The following SF3B1 variants were observed in gnomAD, a reference collection of about 807,000 sequenced individuals.
The protein encoded by SF3B1 is splicing factor 3b subunit 1.
SF3B1 carries 12 observed loss-of-function variants against 153.8 expected under a neutral mutation model. The ratio of observed to expected loss-of-function variants is 0.08; its 90% confidence interval spans 0.05 to 0.13. The LOEUF (loss-of-function observed/expected upper bound fraction) is 0.13, where lower values mean the gene tolerates loss of function less well. SF3B1 is among the 10% of genes least tolerant of loss of function. The pLI, the probability that SF3B1 is intolerant of heterozygous loss-of-function variation, is 1.00. For synonymous variants in SF3B1, 498 were observed against 525.2 expected (o/e 0.95, Z 0.71); for missense variants, 513 against 1,606.1 (o/e 0.32, Z 11.63).
chr2:197,425,704 G>A (rs749829469), intron 1 of SF3B1, among the ~76,000 whole-genome samples: 4 of 151,950 alleles, frequency 2.6e-5, no homozygotes, highest in African/African-American at 7.3e-5. Flanking sequence ...ACAGGAGCAC[G>A]TCTCACAAAC....
rs1050675327 is a variant in SF3B1 at position 197,390,472 on chromosome 2, A to G, written c.*1831T>C. ...GGAAGTACCGCTGAAAACTTCTAACAACAGAAAGATGAGTTTGGAGTGTTT... is the reference window on the plus strand; with the variant it reads ...GGAAGTACCGCTGAAAACTTCTAACGACAGAAAGATGAGTTTGGAGTGTTT... On this transcript the variant is annotated 3_prime_UTR_variant, in exon 25 of 25. Coordinates refer to ENST00000335508, the MANE Select transcript of SF3B1 (RefSeq NM_012433.4). 2 of 152,206 alleles carry G rather than the reference A, an allele frequency of 1.3e-5. No homozygotes were observed. Among genetic ancestry groups the G allele is most frequent in the Non-Finnish European group, 2.9e-5 (2 of 68,022 alleles). The allele number at this position is 152,206 out of a possible 1,614,324, so 9.4% of individuals were successfully genotyped here.
intron 1 of SF3B1, among the ~76,000 whole-genome samples, chr2:197,432,865 CA>C (rs559744132): frequency 6.8e-6 from 1 of 147,656 alleles, no homozygotes. Context: ...GACCCTATCT[CA>C]AAAAAAAATA....
intron 23 of SF3B1, among the ~76,000 whole-genome samples, chr2:197,394,761 C>T (rs888149290): frequency 3.3e-5 from 5 of 152,004 alleles, no homozygotes; most frequent in African/African-American, 9.7e-5. Flanking sequence ...AAAAATTAGC[C>T]GGCCATGGTG....
intron 5 of SF3B1, among the ~76,000 whole-genome samples, chr2:197,417,353 T>A (rs1391412780): frequency 6.6e-6 from 1 of 152,104 alleles, no homozygotes; most frequent in Non-Finnish European, 1.5e-5. Flanking sequence ...TGATAATGGA[T>A]GCACATTTAA....
chr2:197,427,731 G>A (rs1298764299), intron 1 of SF3B1, among the ~76,000 whole-genome samples: 1 of 152,102 alleles, frequency 6.6e-6, no homozygotes, highest in African/African-American at 2.4e-5. Context: ...TTCATAAAAG[G>A]TAATCTGGGC....
At chr2:197,431,900 A>C (rs2085443978) in intron 1 of SF3B1, among the ~76,000 whole-genome samples, 2 of 152,144 alleles carry the variant, frequency 1.3e-5, no homozygotes, top group African/African-American at 4.8e-5. Context: ...CCAAGGCAGG[A>C]CTGCTTGAGC....
chr2:197,398,662 ATGAC>A (rs2084902957), intron 20 of SF3B1, 81 bp from the exon 21 acceptor site: 1 of 1,255,198 alleles, frequency 8.0e-7, no homozygotes, highest in Admixed American at 2.0e-5. Flanking sequence ...AATGTCATAT[ATGAC>A]TATGTATAAA....
Position 197,408,067 on chromosome 2 carries a change from T to A in SF3B1, c.1170A>T (p.Arg390Ser). The A allele has an allele frequency of 6.2e-7, 1 of 1,613,826 alleles. No individual in the cohort carries two copies. Residue 390 changes from arginine (R) to serine (S), a missense_variant, in exon 9 of 25, where the codon AGA (arginine) becomes AGT (serine). Arg to Ser is a moderately radical substitution (Grantham distance 110, BLOSUM62 -1). Transcript: ENST00000335508. ...PEQLQAWRWE[R>S]EIDERNRPLS... ...GTGGGCGATTTCTCTCATCAATTTC[T>A]CTTTCCCACCGCCAAGCCTGAAGCT...
At chr2:197,425,813 G>A (rs1308162077) in intron 1 of SF3B1, among the ~76,000 whole-genome samples, 1 of 151,882 alleles carries the variant, frequency 6.6e-6, no homozygotes, top group Admixed American at 6.6e-5. Flanking sequence ...CAGCCTGGGC[G>A]ACATGGCAAA....
intron 20 of SF3B1, chr2:197,399,178 C>T (rs902451932): frequency 4.1e-6 from 4 of 966,100 alleles, no homozygotes; most frequent in Non-Finnish European, 5.5e-6. Context: ...AACCAGAGCC[C>T]TACAAGTGGC....
At chr2:197,399,089 A>G (rs1011895804) in intron 20 of SF3B1, 2 of 1,293,692 alleles carry the variant, frequency 1.5e-6, no homozygotes, top group Non-Finnish European at 2.0e-6. Flanking sequence ...TGCTCTAACT[A>G]GAATCACTTG....
At chr2:197,393,773 A>G (rs982755022) in intron 23 of SF3B1, among the ~76,000 whole-genome samples, 2 of 152,194 alleles carry the variant, frequency 1.3e-5, no homozygotes, top group African/African-American at 4.8e-5. Flanking sequence ...TTTAAAAGGA[A>G]TATGAGCAGG....
At position 197,391,474 on chromosome 2, in the gene SF3B1, T is replaced by C. The variant is rs1203447766; in HGVS notation, c.*829A>G. ...TGATGCATTGCTGAGTAGTGGCTTATAACATGGAGAAAAGCCCAACATTGT... is the reference window on the plus strand; with the variant it reads ...TGATGCATTGCTGAGTAGTGGCTTACAACATGGAGAAAAGCCCAACATTGT... On this transcript the variant is annotated 3_prime_UTR_variant, in exon 25 of 25. Transcript: ENST00000335508. The C allele has an allele frequency of 1.3e-5, 2 of 152,230 alleles. No individual in the cohort carries two copies. Among genetic ancestry groups the C allele is most frequent in the African/African-American group, 2.4e-5 (1 of 41,462 alleles). 9.4% of individuals were successfully genotyped at this position (152,230 alleles called of 1,614,324 possible). A position where few individuals can be genotyped will look rare whatever the true frequency, so the allele number is the denominator to read the frequency against.
intron 4 of SF3B1, chr2:197,419,844 G>C (rs889713008): frequency 4.4e-6 from 1 of 226,136 alleles, no homozygotes; most frequent in Non-Finnish European, 8.8e-6. Context: ...ACTCACCTGA[G>C]GAAAGCTTCC....
At chr2:197,426,387 C>G (rs2085337678) in intron 1 of SF3B1, among the ~76,000 whole-genome samples, 1 of 152,020 alleles carries the variant, frequency 6.6e-6, no homozygotes, top group Non-Finnish European at 1.5e-5. Context: ...CCTCCGCCTC[C>G]CAGGTTCAAG....
chr2:197,417,999 G>A (rs2085178080), intron 5 of SF3B1, among the ~76,000 whole-genome samples: 1 of 151,674 alleles, frequency 6.6e-6, no homozygotes, highest in Non-Finnish European at 1.5e-5. Flanking sequence ...ACTTTGGCAG[G>A]CCGAGACAGG....
In SF3B1 at chr2:197,405,388, T is replaced by A. The variant is rs577487016; in HGVS notation, c.1324A>T (p.Thr442Ser). Residue 442 changes from threonine (T) to serine (S), a missense_variant, in exon 10 of 25, where the codon ACT (threonine) becomes TCT (serine). Thr to Ser is a moderately conservative substitution (Grantham distance 58). Transcript: ENST00000335508. ...TCTTCAGTTTGCATGTGGAAACCAGTCATACCACCCAAAGGTGTTGGAGTA... is the reference window on the plus strand; with the variant it reads ...TCTTCAGTTTGCATGTGGAAACCAGACATACCACCCAAAGGTGTTGGAGTA... ...TATPTPLGGM[T>S]GFHMQTEDRT... The A allele has an allele frequency of 6.2e-7, 1 of 1,614,026 alleles. No individual in the cohort carries two copies. Among genetic ancestry groups the A allele is most frequent in the African/African-American group, 1.3e-5 (1 of 75,048 alleles).
chr2:197,405,254 A>G (rs2084977567), intron 10 of SF3B1, 21 bp downstream of exon 10: 2 of 1,598,694 alleles, frequency 1.3e-6, no homozygotes, highest in South Asian at 2.2e-5. Flanking sequence ...TTAATAGTTT[A>G]TTTCTGCTAG....
Position 197,434,948 on chromosome 2 carries a change from C to T in SF3B1, c.28+24G>A, listed in dbSNP as rs765573635. The stretch of plus-strand genomic sequence containing the variant: ...TATTAGGCTAGCAACGAAGAAAACA[C>T]GTAAGCAGGGAAAGACCGCTTACCT... On this transcript the variant is annotated intron_variant, in intron 1 of 24. Coordinates refer to ENST00000335508, the MANE Select transcript of SF3B1 (RefSeq NM_012433.4). The T allele has an allele frequency of 3.7e-6, 6 of 1,609,626 alleles. No homozygotes were observed. The South Asian group carries it at 5.5e-5, about 15-fold the overall frequency.
Sources: allele counts gnomAD v4.1 joint callset (sites outside exome capture counted in the v4.1 genomes callset), GRCh38; gene constraint gnomAD v4.1.1; transcripts MANE v1.5; gene names NCBI Gene and HGNC (gene_info 2026-07-23, HGNC 2026-07-21).